Variants in AGAP1 observed in about 807,000 individuals in gnomAD.
The protein encoded by AGAP1 is arf-GAP with GTPase, ANK repeat and PH domain-containing protein 1.
Under a neutral mutation model 105.3 loss-of-function variants are expected in AGAP1, and 29 were observed. The ratio of observed to expected loss-of-function variants is 0.28; its 90% CI spans 0.21 to 0.38. The LOEUF (loss-of-function observed/expected upper bound fraction) is 0.38, where lower values mean the gene tolerates loss of function less well. Among genes scored for constraint, AGAP1 ranks in the 10% least tolerant of loss-of-function variants. The probability of loss-of-function intolerance (pLI) is 1.00; values close to 1 mark genes in which losing one functional copy is unlikely to be tolerated. For missense variants in AGAP1, 998 were observed against 1,165.1 expected, an observed-to-expected ratio of 0.86 and a Z score of 2.09; for synonymous variants, 509 against 485.9, an observed-to-expected ratio of 1.05 and a Z score of -0.63.
chr2:235,502,770 AT>A (rs1941620041), intron 1 of AGAP1, among the ~76,000 whole-genome samples: 1 of 149,558 alleles, frequency 6.7e-6, no homozygotes, highest in South Asian at 2.1e-4. Flanking sequence ...ATTTCAAATA[AT>A]GTCCATGTTC....
chr2:235,729,240 C>A lies in AGAP1; in HGVS notation c.310+11596C>A, dbSNP rs1207267758. Among the ~76,000 whole-genome samples the A allele has an allele frequency of 1.3e-5, 2 of 152,142 alleles. No homozygotes were observed. Among genetic ancestry groups the A allele is most frequent in the African/African-American group, 4.8e-5 (2 of 41,384 alleles). ...CTAGGGCGTGTGCCCCTTGAGGAGC[C>A]GCATCCGCTTATTGGGCCTAAGAAA... On this transcript the variant is annotated intron_variant, in intron 3 of 17. Coordinates refer to ENST00000304032, the MANE Select transcript of AGAP1 (RefSeq NM_001037131.3). The surrounding 1 kb of genome is among the most constrained non-coding windows in gnomAD (Gnocchi z 5.0).
Position 235,959,749 on chromosome 2 carries a change from C to T in AGAP1, c.1484-8713C>T, listed in dbSNP as rs951827995. Among the ~76,000 whole-genome samples the T allele has an allele frequency of 2.0e-5, 3 of 152,212 alleles. No individual in the cohort carries two copies. Among genetic ancestry groups the T allele is most frequent in the African/African-American group, 7.2e-5 (3 of 41,456 alleles). ...CCCTGCTGCTGCAGCCGGGCCCTCC[C>T]ACAGGCAAGCATCTGGAACTAGCAC... On this transcript the variant is annotated intron_variant, in intron 12 of 17. Transcript: ENST00000304032. The surrounding 1 kb of genome is among the most constrained non-coding windows in gnomAD (Gnocchi z 7.3).
intron 9 of AGAP1, among the ~76,000 whole-genome samples, chr2:235,859,236 T>TAAC (rs2048813157): frequency 6.6e-6 from 1 of 152,170 alleles, no homozygotes; most frequent in African/African-American, 2.4e-5. Context: ...TTTCTTTTGT[T>TAAC]AACTCCCTCT....
intron 4 of AGAP1, among the ~76,000 whole-genome samples, chr2:235,742,746 C>T (rs1358128847): frequency 3.9e-5 from 6 of 152,178 alleles, no homozygotes; most frequent in Non-Finnish European, 7.3e-5. Flanking sequence ...TTAGAATCAC[C>T]TGAGTTGATT....
At chr2:235,749,118 A>G (rs144949758) in intron 5 of AGAP1, among the ~76,000 whole-genome samples, 3,226 of 152,156 alleles carry the variant, frequency 0.021, 99 homozygotes, top group African/African-American at 0.067. Flanking sequence ...CTGAGGCAGG[A>G]GAATCATTTG....
chr2:235,873,455 GAC>G (rs1280464673), intron 9 of AGAP1, among the ~76,000 whole-genome samples: 2 of 152,072 alleles, frequency 1.3e-5, no homozygotes, highest in Non-Finnish European at 2.9e-5. Flanking sequence ...TTTAAGGAGA[GAC>G]AATAGAGAGT....
rs949507337 is a variant in AGAP1, at chr2:235,750,215, G to T, written c.539-139G>T. 16 of 1,243,788 alleles carry T rather than the reference G, an allele frequency of 1.3e-5. No homozygotes were observed. Among genetic ancestry groups the T allele is most frequent in the Non-Finnish European group, 1.7e-5 (15 of 886,374 alleles). The allele number at this position is 1,243,788 out of a possible 1,614,324, so 77.0% of individuals were successfully genotyped here. A position where few individuals can be genotyped will look rare whatever the true frequency, so the allele number is the denominator to read the frequency against. ...TGAGTCTCTTAGTTGGGAGGCAAAC[G>T]ATGCTCTACAATTCCAGATTCATAA... is the stretch of plus-strand genomic sequence containing the variant. On this transcript the variant is annotated intron_variant, in intron 5 of 17. Transcript: ENST00000304032. The surrounding 1 kb of genome is among the most constrained non-coding windows in gnomAD (Gnocchi z 5.3).
intron 16 of AGAP1, among the ~76,000 whole-genome samples, chr2:236,059,065 A>AC (rs2058119378): frequency 6.6e-6 from 1 of 151,958 alleles, no homozygotes; most frequent in Admixed American, 6.6e-5. Context: ...AGTGGCTCAT[A>AC]CCTTAAATCC....
At position 235,601,482 on chromosome 2, in the gene AGAP1, G is replaced by A. The variant is rs1945729484; in HGVS notation, c.163+106633G>A. On this transcript the variant is annotated intron_variant, in intron 1 of 17. Transcript: ENST00000304032. This position sits in a 1 kb window ranked among gnomAD's most constrained non-coding sequence, Gnocchi z 4.4. The stretch of plus-strand genomic sequence containing the variant: ...GGAGGCCTCACAGTCATGGCGGAAG[G>A]TGAATGAGGAGCAAAGTTACATCTA... Among the ~76,000 whole-genome samples the A allele has an allele frequency of 6.6e-6, 1 of 152,212 alleles. No homozygotes were observed. Among genetic ancestry groups the A allele is most frequent in the African/African-American group, 2.4e-5 (1 of 41,466 alleles).
At chr2:235,523,617 T>C (rs765107352) in intron 1 of AGAP1, among the ~76,000 whole-genome samples, 2 of 152,138 alleles carry the variant, frequency 1.3e-5, no homozygotes, top group Non-Finnish European at 2.9e-5. Flanking sequence ...AGTAAGGCTT[T>C]ATCCCACCCA....
At chr2:235,969,242 C>T (rs2054535544) in intron 13 of AGAP1, among the ~76,000 whole-genome samples, 1 of 151,900 alleles carries the variant, frequency 6.6e-6, no homozygotes, top group African/African-American at 2.4e-5. Context: ...GAAGTGGCTC[C>T]TTCAAATGAA....
chr2:235,568,498 A>G (rs934305125), intron 1 of AGAP1, among the ~76,000 whole-genome samples: 6 of 152,240 alleles, frequency 3.9e-5, no homozygotes, highest in African/African-American at 7.2e-5. Context: ...GGCACCTGGC[A>G]TGCATGCGTG....
Position 235,535,040 on chromosome 2 carries a change from A to G in AGAP1, c.163+40191A>G, listed in dbSNP as rs1034257316. Among the ~76,000 whole-genome samples the G allele has an allele frequency of 4.6e-5, 7 of 152,138 alleles. No homozygotes were observed. The highest frequency in any genetic ancestry group is 7.4e-5 in the Non-Finnish European group (5 of 67,986). On this transcript the variant is annotated intron_variant, in intron 1 of 17. Transcript: ENST00000304032. This position sits in a 1 kb window ranked among gnomAD's most constrained non-coding sequence, Gnocchi z 5.1. ...AAATGCCTCTCACCTATTCCCAGAT[A>G]CTCGCTGGAGTTGGAGCACACATGT...
chr2:236,064,908 G>T (rs972933545), intron 16 of AGAP1, among the ~76,000 whole-genome samples: 1 of 152,118 alleles, frequency 6.6e-6, no homozygotes, highest in African/African-American at 2.4e-5. Flanking sequence ...TATTCCAGAG[G>T]AGCCATAGTA....
intron 13 of AGAP1, among the ~76,000 whole-genome samples, chr2:235,990,001 C>A (rs994111940): frequency 6.6e-6 from 1 of 152,052 alleles, no homozygotes; most frequent in East Asian, 1.9e-4. Context: ...GTGTGAAGGA[C>A]CAGTGTCTCA....
Position 235,714,217 on chromosome 2 carries a change from T to C in AGAP1, c.223-3340T>C, listed in dbSNP as rs777453240. On this transcript the variant is annotated intron_variant, in intron 2 of 17. Transcript: ENST00000304032. This position sits in a 1 kb window ranked among gnomAD's most constrained non-coding sequence, Gnocchi z 4.1. ...TTTTAGTTGAGACAGGGTTTCACCA[T>C]GTTGGCCAGTCTGGTCTTGAACTCC... is the stretch of plus-strand genomic sequence containing the variant. Among the ~76,000 whole-genome samples the C allele has an allele frequency of 1.3e-5, 2 of 152,018 alleles. No homozygotes were observed. The highest frequency in any genetic ancestry group is 2.9e-5 in the Non-Finnish European group (2 of 68,024).
At position 236,120,032 on chromosome 2, in the gene AGAP1, T is replaced by G. The variant is rs1237436134; in HGVS notation, c.2115-160T>G. Among the ~76,000 whole-genome samples the G allele has an allele frequency of 6.6e-6, 1 of 152,162 alleles. No individual in the cohort carries two copies. Among genetic ancestry groups the G allele is most frequent in the Non-Finnish European group, 1.5e-5 (1 of 68,032 alleles). On this transcript the variant is annotated intron_variant, in intron 16 of 17. Transcript: ENST00000304032. The surrounding 1 kb of genome is among the most constrained non-coding windows in gnomAD (Gnocchi z 6.0). Reference sequence around the variant, plus strand: ...TGGTGAGGATACTGTTTTGTGAAGGTGGATAAACGTTTCCCCCAGGGGGCT... The same window carrying G: ...TGGTGAGGATACTGTTTTGTGAAGGGGGATAAACGTTTCCCCCAGGGGGCT...
In AGAP1 at chr2:236,101,289, C is replaced by G. The variant is rs1279027649; in HGVS notation, c.2115-18903C>G. ...AAGAAGACTCCTTATTGTTCCAAAG[C>G]AATGGTCCTATGTCTTTAAACAATA... On this transcript the variant is annotated intron_variant, in intron 16 of 17. Coordinates refer to ENST00000304032, the MANE Select transcript of AGAP1 (RefSeq NM_001037131.3). The surrounding 1 kb of genome is among the most constrained non-coding windows in gnomAD (Gnocchi z 4.9). 6.6e-6 allele frequency among the ~76,000 whole-genome samples: 1 copy of G among 152,174 alleles called. No individual in the cohort carries two copies. Among genetic ancestry groups the G allele is most frequent in the Non-Finnish European group, 1.5e-5 (1 of 68,032 alleles).
In AGAP1 at chr2:235,653,524, CATAAA is replaced by C. The variant is rs1180369336; in HGVS notation, c.164-55645_164-55641del. ...TATAACATAACATAACATAACATAA[CATAAA>C]ATAAAATAATAAATAAAAAAGTGCA... On this transcript the variant is annotated intron_variant, in intron 1 of 17. Transcript: ENST00000304032. 5.6e-3 allele frequency among the ~76,000 whole-genome samples: 601 copies of C among 107,100 alleles called. 6 individuals carry two copies. Among genetic ancestry groups the C allele is most frequent in the African/African-American group, 0.019 (512 of 27,360 alleles). 70.3% of individuals were successfully genotyped at this position (107,100 alleles called of 152,430 possible).
Sources: gnomAD v4.1 joint callset for allele counts (sites outside exome capture counted in the v4.1 genomes callset) on GRCh38, gnomAD v4.1.1 for gene constraint, Gnocchi (gnomAD v3.1) non-coding constraint, MANE v1.5 for transcripts, NCBI Gene and HGNC (gene_info 2026-07-23, HGNC 2026-07-21) for gene names.